The following ZNF578 variants were observed in gnomAD, a reference collection of about 807,000 sequenced individuals.
ZNF578 encodes the protein Putative chemokine-related protein B42.
Under a neutral mutation model 8.3 loss-of-function variants are expected in ZNF578, and 8 were observed. The observed-to-expected ratio is 0.96, with a 90% CI of 0.56 to 1.74. ZNF578 has a LOEUF of 1.74. Among genes scored for constraint, ZNF578 ranks in the 40% most tolerant of loss-of-function variants. The pLI, the probability that ZNF578 is intolerant of heterozygous loss-of-function variation, is 0.00. For synonymous variants in ZNF578, 206 were observed against 232.2 expected (o/e 0.89, Z 1.03); for missense variants, 726 against 707.5 (o/e 1.03, Z -0.30).
chr19:52,510,629 A>C lies in ZNF578; in HGVS notation c.248A>C (p.Glu83Ala). The stretch of plus-strand genomic sequence containing the variant: ...TTGTCAACAGGGCAAGGCAATACAG[A>C]AGTGATCCACACAGGGATGTTGCAA... ...EVLSTGQGNT[E>A]VIHTGMLQRH... The change falls in exon 6 of 6, where the codon GAA becomes GCA. Residue 83 changes from glutamate (E) to alanine (A), a missense_variant. Transcript: ENST00000421239. The C allele has an allele frequency of 2.5e-6, 4 of 1,597,110 alleles. No homozygotes were observed. The highest frequency in any genetic ancestry group is 3.5e-5 in the Admixed American group (2 of 56,650).
At chr19:52,466,475 C>T (rs1396382686) in intron 2 of ZNF578, among the ~76,000 whole-genome samples, 2 of 152,096 alleles carry the variant, frequency 1.3e-5, no homozygotes, top group Admixed American at 6.5e-5. Context: ...TATACAGGCA[C>T]CCCGTAAGCC....
At chr19:52,459,215 G>T (rs932981575) in intron 2 of ZNF578, among the ~76,000 whole-genome samples, 1 of 152,026 alleles carries the variant, frequency 6.6e-6, no homozygotes, top group African/African-American at 2.4e-5. Context: ...TTTTCATCTC[G>T]CAAAACTGAA....
chr19:52,459,232 T>C (rs985779832), intron 2 of ZNF578, among the ~76,000 whole-genome samples: 3 of 152,210 alleles, frequency 2.0e-5, no homozygotes, highest in African/African-American at 7.2e-5. Flanking sequence ...TGAAACTGTA[T>C]ACCCAGAATA....
rs529269718 is a variant in ZNF578 at position 52,491,413 on chromosome 19, C to T, written c.-32C>T. The T allele has an allele frequency of 2.3e-5, 4 of 174,856 alleles. No individual in the cohort carries two copies. Among genetic ancestry groups the T allele is most frequent in the South Asian group, 1.3e-4 (1 of 7,672 alleles). The allele number at this position is 174,856 out of a possible 1,614,324, so 10.8% of individuals were successfully genotyped here. On this transcript the variant is annotated 5_prime_UTR_variant, in exon 3 of 6. Coordinates refer to ENST00000421239, the MANE Select transcript of ZNF578 (RefSeq NM_001099694.2). ...GCAGTGAGCCCTGTTTTTGCCACCA[C>T]ACTCCAGCTTGGGTGAGTGAGCTAC...
intron 2 of ZNF578, among the ~76,000 whole-genome samples, chr19:52,482,732 T>C (rs1196969957): frequency 3.3e-5 from 5 of 150,076 alleles, no homozygotes; most frequent in Non-Finnish European, 3.0e-5. Context: ...AGGTCAGGAG[T>C]TCAAGACCAG....
rs2059449283 is a variant in ZNF578, at chr19:52,511,860, T to TCA, written c.1482_1483dup (p.Arg495ThrfsTer86). ...GTAATGAGTGTCACAAGACCTTCAG[T>TCA]CACAGGTCATCTCTTCCATGCCATC... On this transcript the variant is annotated frameshift_variant, in exon 6 of 6. Transcript: ENST00000421239. LOFTEE classifies it low-confidence loss of function (END_TRUNC). 1 of 1,613,834 alleles carries TCA rather than the reference T, an allele frequency of 6.2e-7. No homozygotes were observed. The highest frequency in any genetic ancestry group is 2.2e-5 in the East Asian group (1 of 44,832).
At chr19:52,479,938 C>G (rs749492760) in intron 2 of ZNF578, among the ~76,000 whole-genome samples, 20 of 151,850 alleles carry the variant, frequency 1.3e-4, no homozygotes, top group Non-Finnish European at 1.9e-4. Flanking sequence ...TTGACGCAGT[C>G]TCGCTCTGTC....
At chr19:52,481,632 T>C (rs552381035) in intron 2 of ZNF578, among the ~76,000 whole-genome samples, 2 of 152,366 alleles carry the variant, frequency 1.3e-5, no homozygotes, top group Non-Finnish European at 2.9e-5. Context: ...CAGTGACTTA[T>C]GCAGTTGTGT....
chr19:52,494,761 A>G, intron 3 of ZNF578, among the ~76,000 whole-genome samples: 1 of 152,014 alleles, frequency 6.6e-6, no homozygotes, highest in South Asian at 2.1e-4. Context: ...CCCTTTTCCC[A>G]GGGTGGGGTA....
At chr19:52,459,684 C>T (rs1419360054) in intron 2 of ZNF578, among the ~76,000 whole-genome samples, 1 of 121,490 alleles carries the variant, frequency 8.2e-6, no homozygotes, top group Non-Finnish European at 1.6e-5. Context: ...AGCAGTCTCA[C>T]TTCTGGGTAT....
intron 2 of ZNF578, among the ~76,000 whole-genome samples, chr19:52,459,648 C>CACACACACACAT (rs1555751274): frequency 6.1e-5 from 8 of 131,438 alleles, no homozygotes; most frequent in African/African-American, 2.1e-4. Flanking sequence ...CACACACACA[C>CACACACACACAT]ACATATATAT....
At chr19:52,484,253 A>G (rs570929970) in intron 2 of ZNF578, among the ~76,000 whole-genome samples, 204 of 152,338 alleles carry the variant, frequency 1.3e-3, no homozygotes, top group Non-Finnish European at 1.5e-3. Flanking sequence ...GTTTTCCCCT[A>G]TCTCAGTAGA....
intron 3 of ZNF578, among the ~76,000 whole-genome samples, chr19:52,493,859 A>G (rs2059375864): frequency 6.6e-6 from 1 of 151,916 alleles, no homozygotes; most frequent in Non-Finnish European, 1.5e-5. Context: ...GCGCGGTTGC[A>G]CATGCCTGTA....
chr19:52,453,730 G>A (rs1267848831), intron 1 of ZNF578, 123 bp downstream of exon 1: 2 of 152,248 alleles, frequency 1.3e-5, no homozygotes, highest in African/African-American at 2.4e-5. Context: ...ATATTAATAC[G>A]TCGCCAAGAA....
chr19:52,471,081 C>T (rs1322923863), intron 2 of ZNF578, among the ~76,000 whole-genome samples: 3 of 151,990 alleles, frequency 2.0e-5, no homozygotes, highest in Non-Finnish European at 2.9e-5. Flanking sequence ...CTTACTTCAC[C>T]TTCCTTCATG....
At chr19:52,496,380 A>G (rs1221607265) in intron 3 of ZNF578, among the ~76,000 whole-genome samples, 3 of 138,850 alleles carry the variant, frequency 2.2e-5, no homozygotes, top group African/African-American at 7.8e-5. Context: ...CCCAGGCTGG[A>G]GTGCAGTGGC....
chr19:52,512,660 CT>C lies in ZNF578; in HGVS notation c.*507del, dbSNP rs2059453919. Among the ~76,000 whole-genome samples, 1 of 152,108 alleles carries C rather than the reference CT, an allele frequency of 6.6e-6. No homozygotes were observed. The highest frequency in any genetic ancestry group is 1.9e-4 in the East Asian group (1 of 5,188). On this transcript the variant is annotated 3_prime_UTR_variant, in exon 6 of 6. Transcript: ENST00000421239. ...CACCTCATTAGACATCAGAGAATCC[CT>C]ACTGGAGAGAAATCTTACAAATGTC... is the stretch of plus-strand genomic sequence containing the variant.
At position 52,511,369 on chromosome 19, in the gene ZNF578, C is replaced by G. The variant is rs765622784; in HGVS notation, c.988C>G (p.Leu330Val). The G allele has an allele frequency of 6.2e-7, 1 of 1,614,124 alleles. No individual in the cohort carries two copies. Among genetic ancestry groups the G allele is most frequent in the Non-Finnish European group, 8.5e-7 (1 of 1,179,976 alleles). Residue 330 changes from leucine (L) to valine (V), a missense_variant, in exon 6 of 6, where the codon CTT becomes GTT. Transcript: ENST00000421239. The stretch of plus-strand genomic sequence containing the variant: ...AAAGTCCTTCAGTTACAAGTCATCC[C>G]TTACATGCCATCATAGGTGTCACAC... ...CGKSFSYKSS[L>V]TCHHRCHTGE... is the part of the protein sequence containing the mutation.
rs764769511 is a variant in ZNF578 at position 52,512,017 on chromosome 19, A to G, written c.1636A>G (p.Lys546Glu). The G allele has an allele frequency of 6.2e-7, 1 of 1,614,148 alleles. No homozygotes were observed. Among genetic ancestry groups the G allele is most frequent in the South Asian group, 1.1e-5 (1 of 91,082 alleles). Residue 546 changes from lysine to glutamate, a missense_variant, in exon 6 of 6, where the codon AAG (lysine) becomes GAG (glutamate). By Grantham distance (56) the Lys-to-Glu change is moderately conservative. Coordinates refer to ENST00000421239, the MANE Select transcript of ZNF578 (RefSeq NM_001099694.2). ...EKPYKCKVCDKAFMCHSYLAN... is the reference protein window; with the variant it reads ...EKPYKCKVCDEAFMCHSYLAN... ...ACCTTACAAATGTAAGGTTTGTGACAAGGCTTTCATGTGCCATTCTTATCT... is the reference window on the plus strand; with the variant it reads ...ACCTTACAAATGTAAGGTTTGTGACGAGGCTTTCATGTGCCATTCTTATCT...
Sources: gnomAD v4.1 joint callset for allele counts (sites outside exome capture counted in the v4.1 genomes callset) on GRCh38, gnomAD v4.1.1 for gene constraint, MANE v1.5 for transcripts, NCBI Gene and HGNC (gene_info 2026-07-23, HGNC 2026-07-21) for gene names.